PGBD5: variants seen among roughly 807,000 people sequenced by gnomAD.
PGBD5 encodes piggyBac transposable element-derived protein 5.
A neutral mutation model predicts 47.9 loss-of-function variants in PGBD5; 14 were observed. The ratio of observed to expected loss-of-function variants is 0.29; its 90% confidence interval spans 0.19 to 0.46. The LOEUF (loss-of-function observed/expected upper bound fraction) is 0.46, where lower values mean the gene tolerates loss of function less well. PGBD5 is among the 20% of genes least tolerant of loss of function. PGBD5 has a pLI of 1.00. For missense variants in PGBD5, 635 were observed against 716.0 expected (o/e 0.89, Z 1.29); for synonymous variants, 316 against 306.3 (o/e 1.03, Z -0.33).
intron 1 of PGBD5, among the ~76,000 whole-genome samples, chr1:230,384,052 A>C (rs1254877011): frequency 6.6e-6 from 1 of 152,144 alleles, no homozygotes; most frequent in Non-Finnish European, 1.5e-5. Context: ...AAGCCTTCCA[A>C]CTTAACACAA....
At chr1:230,408,629 T>C (rs1446644357) in intron 1 of PGBD5, among the ~76,000 whole-genome samples, 4 of 152,188 alleles carry the variant, frequency 2.6e-5, no homozygotes, top group Non-Finnish European at 5.9e-5. Context: ...GCAGTTTTTT[T>C]CAATTAATGG....
intron 1 of PGBD5, among the ~76,000 whole-genome samples, chr1:230,394,914 C>A (rs1656890559): frequency 7.5e-6 from 1 of 133,044 alleles, no homozygotes; most frequent in Non-Finnish European, 1.6e-5. Context: ...GCTCCTCTCT[C>A]ACTCCTACCC....
At chr1:230,331,083 T>G (rs1003144223) in intron 5 of PGBD5, among the ~76,000 whole-genome samples, 2 of 152,168 alleles carry the variant, frequency 1.3e-5, no homozygotes, top group African/African-American at 4.8e-5. Flanking sequence ...TGTGATGTCC[T>G]GCCTTGAGAT....
Position 230,317,796 on chromosome 1 carries a change from A to T in PGBD5, c.*5629T>A, listed in dbSNP as rs1197154627. 1 of 152,200 alleles carries T rather than the reference A, an allele frequency of 6.6e-6. No individual in the cohort carries two copies. Among genetic ancestry groups the T allele is most frequent in the African/African-American group, 2.4e-5 (1 of 41,408 alleles). 9.4% of individuals were successfully genotyped at this position (152,200 alleles called of 1,614,324 possible). On this transcript the variant is annotated 3_prime_UTR_variant, in exon 7 of 7. Transcript: ENST00000391860. ...CCCGCCCTTTCTGTTTTCATCTCCA[A>T]ATACATGCACACAAGGTCAAGCTTC... is the stretch of plus-strand genomic sequence containing the variant.
intron 2 of PGBD5, among the ~76,000 whole-genome samples, chr1:230,353,669 C>T (rs1667592494): frequency 6.6e-6 from 1 of 152,030 alleles, no homozygotes; most frequent in Non-Finnish European, 1.5e-5. Flanking sequence ...TGCAGCTAAT[C>T]CATCCACACA....
At chr1:230,350,148 G>A (rs1005700298) in intron 3 of PGBD5, among the ~76,000 whole-genome samples, 70 of 152,230 alleles carry the variant, frequency 4.6e-4, no homozygotes, top group Admixed American at 2.8e-3. Context: ...GTGAGCGTGC[G>A]GTCAGCAGTC....
At chr1:230,396,559 G>C (rs1006780369) in intron 1 of PGBD5, among the ~76,000 whole-genome samples, 5 of 117,558 alleles carry the variant, frequency 4.3e-5, no homozygotes, top group African/African-American at 1.1e-4. Context: ...ACATTTTGTT[G>C]CCCCCCCTCC....
chr1:230,339,093 A>G (rs1667371309), intron 3 of PGBD5, among the ~76,000 whole-genome samples: 1 of 152,246 alleles, frequency 6.6e-6, no homozygotes, highest in Non-Finnish European at 1.5e-5. Context: ...GAGTTCTAAC[A>G]CACATTGGGG....
In PGBD5 at chr1:230,321,333, T is replaced by G. The variant is rs184148577; in HGVS notation, c.*2092A>C. On this transcript the variant is annotated 3_prime_UTR_variant, in exon 7 of 7. Transcript: ENST00000391860. Reference sequence around the variant, plus strand: ...AAGTATTTAAAAGAGTAGCCTGTATTTTTGTTCCTTCACCTTGTTTTTTTT... The same window carrying G: ...AAGTATTTAAAAGAGTAGCCTGTATGTTTGTTCCTTCACCTTGTTTTTTTT... 8 of 152,336 alleles carry G rather than the reference T, an allele frequency of 5.3e-5. No homozygotes were observed. The East Asian group carries it at 1.5e-3, about 29-fold the overall frequency. The allele number at this position is 152,336 out of a possible 1,614,324, so 9.4% of individuals were successfully genotyped here.
chr1:230,400,534 T>C (rs1396717825), intron 1 of PGBD5, among the ~76,000 whole-genome samples: 1 of 152,208 alleles, frequency 6.6e-6, no homozygotes, highest in Non-Finnish European at 1.5e-5. Context: ...ACATAATGGG[T>C]GCTCAGTAAA....
intron 1 of PGBD5, among the ~76,000 whole-genome samples, chr1:230,383,538 T>G (rs993539004): frequency 6.6e-6 from 1 of 151,866 alleles, no homozygotes; most frequent in Non-Finnish European, 1.5e-5. Flanking sequence ...TATTTTAAAA[T>G]TTTTTGTATT....
At chr1:230,392,530 C>T (rs535996583) in intron 1 of PGBD5, among the ~76,000 whole-genome samples, 3 of 152,320 alleles carry the variant, frequency 2.0e-5, no homozygotes, top group Non-Finnish European at 2.9e-5. Flanking sequence ...ATCTCCGGCT[C>T]GCAGGAGCCC....
chr1:230,356,839 A>C, intron 2 of PGBD5, 55 bp downstream of exon 2: 1 of 1,563,986 alleles, frequency 6.4e-7, no homozygotes, highest in Non-Finnish European at 8.7e-7. Flanking sequence ...AGACAAGGCT[A>C]GGCCGAGAGA....
chr1:230,341,085 A>G (rs1667401457), intron 3 of PGBD5, among the ~76,000 whole-genome samples: 1 of 152,204 alleles, frequency 6.6e-6, no homozygotes. Flanking sequence ...AGTGGCACCA[A>G]TGAGAGTCCA....
intron 1 of PGBD5, among the ~76,000 whole-genome samples, chr1:230,396,627 A>T (rs1300266792): frequency 7.8e-6 from 1 of 127,546 alleles, no homozygotes; most frequent in African/African-American, 3.2e-5. Context: ...CACTCAACCC[A>T]GAGACACACC....
At chr1:230,327,393 G>A (rs199898691) in intron 5 of PGBD5, among the ~76,000 whole-genome samples, 11 of 152,262 alleles carry the variant, frequency 7.2e-5, no homozygotes, top group South Asian at 2.1e-4. Context: ...GACCAGGGTC[G>A]CGCAGATCTG....
At chr1:230,391,221 T>C (rs1284899653) in intron 1 of PGBD5, among the ~76,000 whole-genome samples, 1 of 152,166 alleles carries the variant, frequency 6.6e-6, no homozygotes, top group Non-Finnish European at 1.5e-5. Context: ...ACAAAGCAGA[T>C]GGGGACTTCA....
intron 1 of PGBD5, among the ~76,000 whole-genome samples, chr1:230,420,847 CT>C (rs1186831233): frequency 6.6e-6 from 1 of 151,858 alleles, no homozygotes; most frequent in African/African-American, 2.4e-5. Context: ...TATATGTAAC[CT>C]GTTAATAAGA....
chr1:230,393,502 A>T (rs1240475492), intron 1 of PGBD5, among the ~76,000 whole-genome samples: 1 of 152,144 alleles, frequency 6.6e-6, no homozygotes, highest in Non-Finnish European at 1.5e-5. Context: ...GCTTCCACCC[A>T]ATCTTAGCGC....
Sources: allele counts gnomAD v4.1 joint callset (sites outside exome capture counted in the v4.1 genomes callset), GRCh38; gene constraint gnomAD v4.1.1; transcripts MANE v1.5; gene names NCBI Gene and HGNC (gene_info 2026-07-23, HGNC 2026-07-21).